NELL2: variants seen among roughly 807,000 people sequenced by gnomAD.
NELL2 encodes the protein protein kinase C-binding protein NELL2.
Under a neutral mutation model 109.6 loss-of-function variants are expected in NELL2, and 41 were observed. The observed-to-expected ratio is 0.37, with a 90% CI of 0.29 to 0.49. The LOEUF (loss-of-function observed/expected upper bound fraction) is 0.49, where lower values mean the gene tolerates loss of function less well. Among genes scored for constraint, NELL2 ranks in the 20% least tolerant of loss-of-function variants. NELL2 has a pLI of 0.98. For synonymous variants in NELL2, 355 were observed against 344.7 expected (o/e 1.03, Z -0.33); for missense variants, 900 against 1,008.3 (o/e 0.89, Z 1.45).
At chr12:44,906,875 A>T (rs1945724829) in intron 1 of NELL2, among the ~76,000 whole-genome samples, 1 of 152,144 alleles carries the variant, frequency 6.6e-6, no homozygotes. Flanking sequence ...ATAAGTATGT[A>T]GATGTCTCTT....
chr12:44,523,693 A>T, intron 16 of NELL2: 1 of 562,470 alleles, frequency 1.8e-6, no homozygotes, highest in Admixed American at 3.3e-5. Flanking sequence ...TGATTTAAAA[A>T]ATCAGGTAAC....
upstream of NELL2, among the ~76,000 whole-genome samples, chr12:44,878,589 T>C (rs1945375827): frequency 6.6e-6 from 1 of 152,204 alleles, no homozygotes; most frequent in South Asian, 2.1e-4. Flanking sequence ...TATCTATGTG[T>C]TCTTTTGACT....
intron 1 of NELL2, among the ~76,000 whole-genome samples, chr12:44,911,860 A>G (rs1945783323): frequency 6.6e-6 from 1 of 151,944 alleles, no homozygotes; most frequent in African/African-American, 2.4e-5. Context: ...CACAGGTGAT[A>G]CTTAAACTGC....
intron 15 of NELL2, among the ~76,000 whole-genome samples, chr12:44,597,885 A>G: frequency 6.6e-6 from 1 of 152,184 alleles, no homozygotes; most frequent in South Asian, 2.1e-4. Flanking sequence ...AAGGATCTAG[A>G]AATGTTGAGG....
chr12:44,582,190 T>A (rs144833125), intron 15 of NELL2, among the ~76,000 whole-genome samples: 7 of 152,290 alleles, frequency 4.6e-5, no homozygotes, highest in Non-Finnish European at 5.9e-5. Context: ...AAGTAGTTAT[T>A]CTGAAGAGTG....
intron 2 of NELL2, among the ~76,000 whole-genome samples, chr12:44,853,038 T>C (rs1944579017): frequency 6.6e-6 from 1 of 152,178 alleles, no homozygotes; most frequent in African/African-American, 2.4e-5. Context: ...CCTTCTTTTC[T>C]TTCCCTTTAG....
At chr12:44,860,422 TAG>T (rs1944805080) in intron 2 of NELL2, among the ~76,000 whole-genome samples, 1 of 152,268 alleles carries the variant, frequency 6.6e-6, no homozygotes, top group Non-Finnish European at 1.5e-5. Flanking sequence ...CTTGCAGTTC[TAG>T]AGATTAGAAG....
rs570854090 is a variant in NELL2, at chr12:44,573,902, C to T, written c.1663+33267G>A. Among the ~76,000 whole-genome samples, 12 of 152,262 alleles carry T rather than the reference C, an allele frequency of 7.9e-5. No homozygotes were observed. In the South Asian group the frequency reaches 2.3e-3, roughly 29 times the overall value. On this transcript the variant is annotated intron_variant, in intron 15 of 19. Transcript: ENST00000429094. The stretch of plus-strand genomic sequence containing the variant: ...TCTAGGAGATTGCTCAACATGGAGA[C>T]GTTCTGCACTCAGTTTGGCATGGCT...
chr12:44,676,542 CAT>C (rs1415386744), intron 12 of NELL2, among the ~76,000 whole-genome samples: 3 of 151,996 alleles, frequency 2.0e-5, no homozygotes, highest in Non-Finnish European at 2.9e-5. Context: ...AAGACTGAAA[CAT>C]ATGATTTTCT....
At chr12:44,641,034 G>C (rs1347236474) in intron 13 of NELL2, among the ~76,000 whole-genome samples, 1 of 152,152 alleles carries the variant, frequency 6.6e-6, no homozygotes, top group Non-Finnish European at 1.5e-5. Context: ...ATGTAACTGA[G>C]ATGGAGCATA....
intron 15 of NELL2, among the ~76,000 whole-genome samples, chr12:44,555,305 C>A (rs1319323128): frequency 6.6e-6 from 1 of 152,198 alleles, no homozygotes. Context: ...CATTATGCAT[C>A]TCCTAAAATA....
intron 2 of NELL2, among the ~76,000 whole-genome samples, chr12:44,828,353 AC>A (rs774858135): frequency 6.6e-5 from 10 of 152,068 alleles, no homozygotes; most frequent in Non-Finnish European, 1.0e-4. Context: ...ACAAAAACAT[AC>A]TCTTAGAAAA....
intron 2 of NELL2, among the ~76,000 whole-genome samples, chr12:44,822,612 G>T (rs1230961550): frequency 6.6e-6 from 1 of 152,170 alleles, no homozygotes; most frequent in Non-Finnish European, 1.5e-5. Context: ...AAGCTCTATA[G>T]AGAAACTTAT....
intron 13 of NELL2, among the ~76,000 whole-genome samples, chr12:44,645,662 G>A (rs969585743): frequency 6.6e-6 from 1 of 152,104 alleles, no homozygotes; most frequent in Non-Finnish European, 1.5e-5. Context: ...TCAACCACAT[G>A]TTATTTCACA....
chr12:44,658,537 T>C (rs1403484689), intron 13 of NELL2, among the ~76,000 whole-genome samples: 1 of 152,154 alleles, frequency 6.6e-6, no homozygotes, highest in Non-Finnish European at 1.5e-5. Flanking sequence ...ATAGATTCAA[T>C]GCTATCTCCA....
chr12:44,814,921 G>T (rs1943292255), intron 3 of NELL2, among the ~76,000 whole-genome samples: 1 of 152,162 alleles, frequency 6.6e-6, no homozygotes, highest in Non-Finnish European at 1.5e-5. Context: ...GATCATTAAA[G>T]TTTTTATATA....
chr12:44,886,084 T>TAAGG (rs60040149), intron 1 of NELL2, among the ~76,000 whole-genome samples: 6,633 of 115,532 alleles, frequency 0.057, 200 homozygotes, highest in Non-Finnish European at 0.066. Context: ...ATCCATATAG[T>TAAGG]AAGGAAGGAA....
chr12:44,707,505 T>G (rs1191755308), intron 11 of NELL2, among the ~76,000 whole-genome samples: 1 of 152,184 alleles, frequency 6.6e-6, no homozygotes, highest in Non-Finnish European at 1.5e-5. Flanking sequence ...CTCTGCTTAT[T>G]GGGCCTACAT....
At chr12:44,837,155 C>T (rs548424954) in intron 2 of NELL2, among the ~76,000 whole-genome samples, 2 of 152,280 alleles carry the variant, frequency 1.3e-5, no homozygotes, top group East Asian at 1.9e-4. Context: ...AGGCACTTTC[C>T]TAAGTGCCTT....
Sources: gnomAD v4.1 joint callset for allele counts (sites outside exome capture counted in the v4.1 genomes callset) on GRCh38, gnomAD v4.1.1 for gene constraint, MANE v1.5 for transcripts, NCBI Gene and HGNC (gene_info 2026-07-23, HGNC 2026-07-21) for gene names.